TMEM108: variants seen among roughly 807,000 people sequenced by gnomAD.
TMEM108 encodes cancer/testis antigen 124.
Under a neutral mutation model 35.1 loss-of-function variants are expected in TMEM108, and 12 were observed. The ratio of observed to expected loss-of-function variants is 0.34; its 90% CI spans 0.22 to 0.55. The LOEUF (loss-of-function observed/expected upper bound fraction) is 0.55, where lower values mean the gene tolerates loss of function less well. Ranked by LOEUF, TMEM108 falls within the 20% of genes least tolerant of loss-of-function variation. The pLI, the probability that TMEM108 is intolerant of heterozygous loss-of-function variation, is 0.89. For missense variants in TMEM108, 680 were observed against 753.3 expected (o/e 0.90, Z 1.14); for synonymous variants, 287 against 308.6 (o/e 0.93, Z 0.73).
chr3:133,279,130 A>G (rs1946877762), intron 3 of TMEM108, among the ~76,000 whole-genome samples: 1 of 152,228 alleles, frequency 6.6e-6, no homozygotes, highest in African/African-American at 2.4e-5. Flanking sequence ...CCTAGTCTGT[A>G]GTGGATGTTA....
At chr3:133,350,787 A>G (rs1430344662) in intron 3 of TMEM108, among the ~76,000 whole-genome samples, 1 of 152,110 alleles carries the variant, frequency 6.6e-6, no homozygotes, top group Non-Finnish European at 1.5e-5. Flanking sequence ...TTGAATGACT[A>G]TGGAAACACC....
chr3:133,243,154 T>C (rs1255590228), intron 3 of TMEM108, among the ~76,000 whole-genome samples: 1 of 152,034 alleles, frequency 6.6e-6, no homozygotes, highest in East Asian at 1.9e-4. Context: ...TTGTTCAGAT[T>C]CCAGTTGCTG....
At chr3:133,103,657 C>T (rs76666102) in intron 2 of TMEM108, among the ~76,000 whole-genome samples, 4,680 of 152,242 alleles carry the variant, frequency 0.031, 126 homozygotes, top group South Asian at 0.064. Context: ...CAGTGTTCTT[C>T]CATAAACACC....
intron 2 of TMEM108, among the ~76,000 whole-genome samples, chr3:133,168,054 A>C (rs1945070842): frequency 6.6e-6 from 1 of 152,136 alleles, no homozygotes; most frequent in Non-Finnish European, 1.5e-5. Flanking sequence ...TGTCAGTCTT[A>C]TGATCTCTGT....
intron 2 of TMEM108, among the ~76,000 whole-genome samples, chr3:133,211,696 A>G (rs951085857): frequency 6.6e-6 from 1 of 152,150 alleles, no homozygotes; most frequent in African/African-American, 2.4e-5. Context: ...TTTTTACCCC[A>G]TTGCTGACCT....
intron 3 of TMEM108, among the ~76,000 whole-genome samples, chr3:133,266,123 T>C (rs938373400): frequency 1.3e-4 from 20 of 152,054 alleles, no homozygotes; most frequent in Non-Finnish European, 2.6e-4. Flanking sequence ...GTAGTTTCCT[T>C]AGCCTAGATT....
rs757939616 is a variant in TMEM108 at position 133,381,100 on chromosome 3, C to T, written c.1389C>T (p.Cys463=). ...GDKPQHRATI[C]LSKMDIAWVI... is the part of the protein sequence containing the mutation. ...AACCGCAGCACAGAGCCACCATCTG[C>T]CTGAGCAAGATGGATATCGCCTGGG... is the stretch of plus-strand genomic sequence containing the variant. The change falls in exon 4 of 6, where the codon TGC becomes TGT. Residue 463 remains cysteine, a synonymous_variant. Transcript: ENST00000321871. 6 of 1,613,916 alleles carry T rather than the reference C, an allele frequency of 3.7e-6. No individual in the cohort carries two copies. The Admixed American group carries it at 8.3e-5, about 22-fold the overall frequency.
chr3:133,387,732 A>G (rs1216870047), intron 4 of TMEM108: 1 of 732,524 alleles, frequency 1.4e-6, no homozygotes, highest in Non-Finnish European at 1.7e-6. Flanking sequence ...CAGATGTATG[A>G]CTGCATTTAA....
chr3:133,174,911 G>A (rs1438731035), intron 2 of TMEM108, among the ~76,000 whole-genome samples: 2 of 151,912 alleles, frequency 1.3e-5, no homozygotes, highest in Non-Finnish European at 2.9e-5. Flanking sequence ...CCATGGCAAA[G>A]AAGTTAAAAA....
At chr3:133,360,808 T>C (rs1204657176) in intron 3 of TMEM108, among the ~76,000 whole-genome samples, 1 of 152,228 alleles carries the variant, frequency 6.6e-6, no homozygotes, top group Non-Finnish European at 1.5e-5. Flanking sequence ...CTTGAAAGAT[T>C]ATCCCCAGTG....
intron 2 of TMEM108, among the ~76,000 whole-genome samples, chr3:133,092,741 G>A (rs563063413): frequency 1.0e-3 from 158 of 152,062 alleles, no homozygotes; most frequent in Non-Finnish European, 1.8e-3. Context: ...ATTGCCTATT[G>A]TGGGACATGT....
At chr3:133,125,730 T>G (rs1944406828) in intron 2 of TMEM108, among the ~76,000 whole-genome samples, 1 of 152,248 alleles carries the variant, frequency 6.6e-6, no homozygotes, top group Admixed American at 6.5e-5. Flanking sequence ...TATAAATTTA[T>G]CATTTGCCAT....
chr3:133,061,854 G>T (rs1294478441), intron 2 of TMEM108, among the ~76,000 whole-genome samples: 1 of 152,200 alleles, frequency 6.6e-6, no homozygotes, highest in Non-Finnish European at 1.5e-5. Context: ...TTACCTTGAG[G>T]ATTTACCCAA....
At chr3:133,073,251 A>G (rs974555766) in intron 2 of TMEM108, among the ~76,000 whole-genome samples, 1 of 151,510 alleles carries the variant, frequency 6.6e-6, no homozygotes, top group Non-Finnish European at 1.5e-5. Context: ...GAAATTTTGT[A>G]TCCTTTGACC....
chr3:133,115,423 G>C (rs1442675677), intron 2 of TMEM108, among the ~76,000 whole-genome samples: 1 of 152,280 alleles, frequency 6.6e-6, no homozygotes, highest in East Asian at 1.9e-4. Context: ...TTAACCCCAA[G>C]AGGAAAATGC....
At chr3:133,181,797 C>T (rs1945349952) in intron 2 of TMEM108, among the ~76,000 whole-genome samples, 1 of 152,136 alleles carries the variant, frequency 6.6e-6, no homozygotes, top group Admixed American at 6.5e-5. Context: ...CAGAGATTAA[C>T]CAGCTAGTCA....
chr3:133,124,869 T>C (rs1212668018), intron 2 of TMEM108: 1 of 152,140 alleles, frequency 6.6e-6, no homozygotes, highest in Non-Finnish European at 1.5e-5. Context: ...TGCTCAGGAA[T>C]GGGAACCCAG....
intron 3 of TMEM108, among the ~76,000 whole-genome samples, chr3:133,294,454 T>C (rs960057850): frequency 2.6e-5 from 4 of 152,200 alleles, no homozygotes; most frequent in Non-Finnish European, 4.4e-5. Flanking sequence ...ATGACTCATC[T>C]CAGGATGTTT....
intron 3 of TMEM108, among the ~76,000 whole-genome samples, chr3:133,375,522 G>A (rs1028093878): frequency 6.6e-6 from 1 of 152,202 alleles, no homozygotes; most frequent in African/African-American, 2.4e-5. Flanking sequence ...CTCAGATTGT[G>A]GGGAGGGGGA....
Sources: gnomAD v4.1 joint callset for allele counts (sites outside exome capture counted in the v4.1 genomes callset) on GRCh38, gnomAD v4.1.1 for gene constraint, MANE v1.5 for transcripts, NCBI Gene and HGNC (gene_info 2026-07-23, HGNC 2026-07-21) for gene names.